Variants in KCNH1 observed in about 807,000 individuals in gnomAD.
KCNH1 encodes potassium voltage-gated channel subfamily H member 1, also known as voltage-gated delayed rectifier potassium channel KCNH1.
A neutral mutation model predicts 69.2 loss-of-function variants in KCNH1; 27 were observed. That is an observed-to-expected ratio of 0.39 (90% CI 0.29 to 0.54). The LOEUF is 0.54. Among genes scored for constraint, KCNH1 ranks in the 20% least tolerant of loss-of-function variants. The pLI, the probability that KCNH1 is intolerant of heterozygous loss-of-function variation, is 0.68. For synonymous variants in KCNH1, 456 were observed against 487.7 expected (o/e 0.93, Z 0.86); for missense variants, 798 against 1,261.6 (o/e 0.63, Z 5.57).
intron 6 of KCNH1, among the ~76,000 whole-genome samples, chr1:210,932,838 C>G (rs1254737234): frequency 6.6e-6 from 1 of 152,064 alleles, no homozygotes; most frequent in Non-Finnish European, 1.5e-5. Context: ...GAACCCAACA[C>G]TGGAGCTCTC....
At chr1:210,698,625 A>G (rs952280917) in intron 10 of KCNH1, among the ~76,000 whole-genome samples, 1 of 152,252 alleles carries the variant, frequency 6.6e-6, no homozygotes, top group African/African-American at 2.4e-5. Flanking sequence ...AGGGAGCCCC[A>G]CGTCACCTGA....
chr1:211,048,709 T>C (rs536241059), intron 5 of KCNH1, among the ~76,000 whole-genome samples: 5 of 151,336 alleles, frequency 3.3e-5, no homozygotes, highest in African/African-American at 9.7e-5. Flanking sequence ...AATGGGGGAG[T>C]GAGGAATAAA....
At position 210,680,916 on chromosome 1, in the gene KCNH1, C is replaced by T. The variant is rs773833630; in HGVS notation, c.*2365G>A. ...TTATACCATCTTTGCCCCTCATACC[C>T]AGAGGTCTGAGAAATTTCACGGACA... is the stretch of plus-strand genomic sequence containing the variant. On this transcript the variant is annotated 3_prime_UTR_variant, in exon 11 of 11. Coordinates refer to ENST00000271751, the MANE Select transcript of KCNH1 (RefSeq NM_172362.3). 6.6e-6 allele frequency: 1 copy of T among 152,180 alleles called. No individual in the cohort carries two copies. Among genetic ancestry groups the T allele is most frequent in the Non-Finnish European group, 1.5e-5 (1 of 68,046 alleles). 9.4% of individuals were successfully genotyped at this position (152,180 alleles called of 1,614,324 possible).
intron 7 of KCNH1, among the ~76,000 whole-genome samples, chr1:210,900,382 T>C (rs1686969557): frequency 6.6e-6 from 1 of 152,186 alleles, no homozygotes; most frequent in African/African-American, 2.4e-5. Context: ...TTTTTGTTGG[T>C]TTCTTTATTT....
At chr1:211,127,797 CTGTT>C (rs982113619) in intron 1 of KCNH1, among the ~76,000 whole-genome samples, 10 of 152,288 alleles carry the variant, frequency 6.6e-5, no homozygotes, top group African/African-American at 2.2e-4. Flanking sequence ...CTTTGGAAAA[CTGTT>C]TGACAGCATC....
At chr1:210,991,622 C>CACACAT (rs1186261866) in intron 6 of KCNH1, among the ~76,000 whole-genome samples, 2 of 151,688 alleles carry the variant, frequency 1.3e-5, no homozygotes, top group African/African-American at 4.9e-5. Context: ...CACACACACA[C>CACACAT]ACACACACAC....
Position 210,775,503 on chromosome 1 carries a change from T to TG in KCNH1, c.1956dup (p.Thr653HisfsTer10). On this transcript the variant is annotated frameshift_variant, in exon 10 of 11. Coordinates refer to ENST00000271751, the MANE Select transcript of KCNH1 (RefSeq NM_172362.3). LOFTEE classifies it high-confidence loss of function. ...ACATTGGCACAGGACTGGGCAAGGGTGGCTTCCTTCCAGAACACATCTCCA... is the reference window on the plus strand; with the variant it reads ...ACATTGGCACAGGACTGGGCAAGGGTGGGCTTCCTTCCAGAACACATCTCCA... 6.2e-7 allele frequency: 1 copy of TG among 1,613,906 alleles called. No individual in the cohort carries two copies. Among genetic ancestry groups the TG allele is most frequent in the Non-Finnish European group, 8.5e-7 (1 of 1,179,864 alleles).
At chr1:211,120,215 G>A (rs1364461858) in intron 1 of KCNH1, among the ~76,000 whole-genome samples, 8 of 149,194 alleles carry the variant, frequency 5.4e-5, no homozygotes, top group Non-Finnish European at 1.0e-4. Flanking sequence ...TTGAGACAGG[G>A]TTTTGCTCTT....
intron 7 of KCNH1, among the ~76,000 whole-genome samples, chr1:210,916,999 T>G (rs1687345627): frequency 6.6e-6 from 1 of 151,674 alleles, no homozygotes; most frequent in African/African-American, 2.4e-5. Context: ...AATACAAAAA[T>G]TAGCCAGGTG....
At chr1:211,121,906 T>C (rs12144775) in intron 1 of KCNH1, among the ~76,000 whole-genome samples, 37,601 of 152,064 alleles carry the variant, frequency 0.25, 5,355 homozygotes, top group African/African-American at 0.38. Flanking sequence ...GAGACCCAGG[T>C]GGGCGGATCA....
At chr1:210,981,372 C>CAAAAAAAAAAAAAAAAAAAAA (rs10684074) in intron 6 of KCNH1, among the ~76,000 whole-genome samples, 1 of 85,498 alleles carries the variant, frequency 1.2e-5, no homozygotes, top group Non-Finnish European at 2.1e-5. Flanking sequence ...GTAACAACGA[C>CAAAAAAAAAAAAAAAAAAAAA]AAAAAAAAAA....
chr1:210,836,407 A>G (rs1685284459), intron 7 of KCNH1, among the ~76,000 whole-genome samples: 3 of 152,206 alleles, frequency 2.0e-5, no homozygotes, highest in South Asian at 2.1e-4. Flanking sequence ...CCAGGAAATT[A>G]CCTTAAGTCT....
At chr1:210,749,576 A>C (rs1683236256) in intron 10 of KCNH1, among the ~76,000 whole-genome samples, 1 of 152,120 alleles carries the variant, frequency 6.6e-6, no homozygotes, top group African/African-American at 2.4e-5. Flanking sequence ...ATTGGAACCT[A>C]CTTGGAACCT....
Position 211,019,927 on chromosome 1 carries a change from G to C in KCNH1, c.559-671C>G, listed in dbSNP as rs76715227. On this transcript the variant is annotated intron_variant, in intron 5 of 10. Transcript: ENST00000271751. Reference sequence around the variant, plus strand: ...AGTGGGTCAATAGAGAAATTAAGAAGGAAATTTTAAAATGTCTTGAAACAA... The same window carrying C: ...AGTGGGTCAATAGAGAAATTAAGAACGAAATTTTAAAATGTCTTGAAACAA... 1.0e-3 allele frequency among the ~76,000 whole-genome samples: 157 copies of C among 152,038 alleles called. 3 individuals are homozygous for C. In the East Asian group the frequency reaches 0.028, roughly 27 times the overall value.
At chr1:210,877,972 T>C (rs1374555311) in intron 7 of KCNH1, among the ~76,000 whole-genome samples, 1 of 152,190 alleles carries the variant, frequency 6.6e-6, no homozygotes, top group Non-Finnish European at 1.5e-5. Context: ...TCCTGAATTA[T>C]AAATCTGGTA....
intron 5 of KCNH1, among the ~76,000 whole-genome samples, chr1:211,073,336 G>C (rs1364697700): frequency 1.3e-5 from 2 of 152,150 alleles, no homozygotes; most frequent in East Asian, 3.8e-4. Context: ...AAATCAGTAA[G>C]GATATAGTTG....
chr1:211,008,168 T>C (rs961216468), intron 6 of KCNH1, among the ~76,000 whole-genome samples: 3 of 152,160 alleles, frequency 2.0e-5, no homozygotes, highest in Non-Finnish European at 4.4e-5. Flanking sequence ...CACTGATGGG[T>C]GAATGGATAA....
chr1:211,092,559 A>G (rs1051158268), intron 3 of KCNH1, among the ~76,000 whole-genome samples: 2 of 152,212 alleles, frequency 1.3e-5, no homozygotes, highest in African/African-American at 4.8e-5. Context: ...TGTCACCTTA[A>G]GAAGTGTTTT....
At chr1:210,732,115 C>T (rs776724522) in intron 10 of KCNH1, among the ~76,000 whole-genome samples, 1 of 151,898 alleles carries the variant, frequency 6.6e-6, no homozygotes, top group Non-Finnish European at 1.5e-5. Context: ...ATAACACTAG[C>T]TGCAACCCCC....
Sources: allele counts gnomAD v4.1 joint callset (sites outside exome capture counted in the v4.1 genomes callset), GRCh38; gene constraint gnomAD v4.1.1; transcripts MANE v1.5; gene names NCBI Gene and HGNC (gene_info 2026-07-23, HGNC 2026-07-21).